Variants in UBE2E2 observed in about 807,000 individuals in gnomAD.
UBE2E2 encodes the protein ubiquitin conjugating enzyme E2 E2.
UBE2E2 carries 6 observed loss-of-function variants against 24.7 expected under a neutral mutation model. The observed-to-expected ratio is 0.24, with a 90% CI of 0.13 to 0.48. The LOEUF (loss-of-function observed/expected upper bound fraction) is 0.48, where lower values mean the gene tolerates loss of function less well. UBE2E2 is among the 20% of genes least tolerant of loss of function. The pLI, the probability that UBE2E2 is intolerant of heterozygous loss-of-function variation, is 0.99. For missense variants in UBE2E2, 169 were observed against 245.0 expected, an observed-to-expected ratio of 0.69 and a Z score of 2.07; for synonymous variants, 104 against 83.6, an observed-to-expected ratio of 1.24 and a Z score of -1.33.
At chr3:23,351,204 C>G (rs971131357) in intron 3 of UBE2E2, among the ~76,000 whole-genome samples, 1 of 152,046 alleles carries the variant, frequency 6.6e-6, no homozygotes, top group African/African-American at 2.4e-5. Context: ...TTTGTCACCA[C>G]CAGGCCTGCC....
intron 3 of UBE2E2, among the ~76,000 whole-genome samples, chr3:23,318,119 G>A (rs978751920): frequency 1.3e-5 from 2 of 151,740 alleles, no homozygotes; most frequent in Non-Finnish European, 2.9e-5. Context: ...GTGTTTAATG[G>A]TTTTTTTAAA....
At chr3:23,270,602 A>C (rs1467917500) in intron 3 of UBE2E2, among the ~76,000 whole-genome samples, 1 of 152,160 alleles carries the variant, frequency 6.6e-6, no homozygotes, top group Non-Finnish European at 1.5e-5. Flanking sequence ...CAGACAGGGT[A>C]GGTTCTGATA....
intron 3 of UBE2E2, among the ~76,000 whole-genome samples, chr3:23,498,184 T>A (rs1699646263): frequency 6.6e-6 from 1 of 152,202 alleles, no homozygotes; most frequent in Non-Finnish European, 1.5e-5. Context: ...CACTTTTATA[T>A]GATCCAAATA....
At chr3:23,409,524 C>T (rs1237011464) in intron 3 of UBE2E2, among the ~76,000 whole-genome samples, 1 of 152,040 alleles carries the variant, frequency 6.6e-6, no homozygotes, top group Non-Finnish European at 1.5e-5. Context: ...CCATATATTT[C>T]CCCTGTAATT....
intron 3 of UBE2E2, among the ~76,000 whole-genome samples, chr3:23,365,142 C>T (rs1696220652): frequency 1.3e-5 from 2 of 152,114 alleles, no homozygotes; most frequent in African/African-American, 4.8e-5. Context: ...TAAGAGCCAC[C>T]TATGACAAAC....
chr3:23,264,171 C>A (rs1415935264), intron 3 of UBE2E2, among the ~76,000 whole-genome samples: 1 of 152,034 alleles, frequency 6.6e-6, no homozygotes. Flanking sequence ...AGGTAGACTG[C>A]AAACCCTAGG....
intron 3 of UBE2E2, among the ~76,000 whole-genome samples, chr3:23,498,975 C>T (rs993186517): frequency 1.3e-5 from 2 of 152,178 alleles, no homozygotes; most frequent in African/African-American, 4.8e-5. Context: ...AACATACTGA[C>T]TTAAGAGGCA....
chr3:23,456,853 G>A (rs1698691035), intron 3 of UBE2E2, among the ~76,000 whole-genome samples: 1 of 152,190 alleles, frequency 6.6e-6, no homozygotes, highest in Admixed American at 6.5e-5. Context: ...GTCCTTTGAA[G>A]CTTTGAAGCC....
intron 3 of UBE2E2, among the ~76,000 whole-genome samples, chr3:23,449,253 G>A (rs987500075): frequency 2.0e-5 from 3 of 152,168 alleles, no homozygotes; most frequent in Non-Finnish European, 4.4e-5. Flanking sequence ...GATTTTTATT[G>A]TTAGCCACAT....
intron 3 of UBE2E2, among the ~76,000 whole-genome samples, chr3:23,329,284 C>G (rs1037757639): frequency 2.8e-4 from 42 of 152,146 alleles, no homozygotes; most frequent in African/African-American, 9.9e-4. Flanking sequence ...GAATGGACAT[C>G]AGGAAATGTC....
At chr3:23,232,357 A>G (rs1001638152) in intron 3 of UBE2E2, among the ~76,000 whole-genome samples, 3 of 152,238 alleles carry the variant, frequency 2.0e-5, no homozygotes, top group African/African-American at 7.2e-5. Flanking sequence ...TGTTTCATAA[A>G]TACCTTTTAC....
intron 3 of UBE2E2, among the ~76,000 whole-genome samples, chr3:23,352,958 T>G (rs1346176832): frequency 6.6e-6 from 1 of 152,144 alleles, no homozygotes; most frequent in African/African-American, 2.4e-5. Flanking sequence ...CCAATATCCT[T>G]GATGAACATT....
Position 23,232,034 on chromosome 3 carries a change from C to T in UBE2E2, c.227+14722C>T, listed in dbSNP as rs114150682. Among the ~76,000 whole-genome samples the T allele has an allele frequency of 2.3e-3, 349 of 152,226 alleles. 2 individuals carry two copies. Among genetic ancestry groups the T allele is most frequent in the African/African-American group, 8.0e-3 (332 of 41,534 alleles). On this transcript the variant is annotated intron_variant, in intron 3 of 5. Transcript: ENST00000396703. ...GTCCTTATTGGACCTCTTATGGAGA[C>T]CTTATTACTTAGGCATGATTGATTA...
chr3:23,355,782 A>C (rs1003525219), intron 3 of UBE2E2, among the ~76,000 whole-genome samples: 1 of 152,164 alleles, frequency 6.6e-6, no homozygotes, highest in Admixed American at 6.5e-5. Flanking sequence ...TCCTTTTTCT[A>C]TAACAGTTAT....
At chr3:23,537,938 G>A (rs1695304127) in intron 5 of UBE2E2, among the ~76,000 whole-genome samples, 2 of 152,126 alleles carry the variant, frequency 1.3e-5, no homozygotes, top group Non-Finnish European at 2.9e-5. Context: ...CTGATGAAAG[G>A]TACATATAAC....
At chr3:23,360,803 C>T (rs555924249) in intron 3 of UBE2E2, among the ~76,000 whole-genome samples, 2 of 151,602 alleles carry the variant, frequency 1.3e-5, no homozygotes, top group South Asian at 2.1e-4. Flanking sequence ...TTTTGAGCTC[C>T]TCAAGAAATT....
intron 3 of UBE2E2, among the ~76,000 whole-genome samples, chr3:23,417,636 C>G (rs1697673453): frequency 6.6e-6 from 1 of 152,324 alleles, no homozygotes; most frequent in South Asian, 2.1e-4. Flanking sequence ...ACATTTAAGT[C>G]TGCTGAAGCT....
At chr3:23,587,642 G>T (rs933885025) in intron 5 of UBE2E2, among the ~76,000 whole-genome samples, 8 of 152,174 alleles carry the variant, frequency 5.3e-5, no homozygotes, top group African/African-American at 1.7e-4. Flanking sequence ...ATGTGACTCA[G>T]ATTTCACTTT....
chr3:23,513,425 AT>A (rs1694653307), intron 4 of UBE2E2, among the ~76,000 whole-genome samples: 1 of 148,864 alleles, frequency 6.7e-6, no homozygotes. Context: ...ACATAATATT[AT>A]ATTGAACAAG....
Sources: allele counts gnomAD v4.1 joint callset (sites outside exome capture counted in the v4.1 genomes callset), GRCh38; gene constraint gnomAD v4.1.1; transcripts MANE v1.5; gene names NCBI Gene and HGNC (gene_info 2026-07-23, HGNC 2026-07-21).